Variants in RBP7 observed in about 807,000 individuals in gnomAD.
The protein encoded by RBP7 is retinol binding protein 7.
Under a neutral mutation model 16.7 loss-of-function variants are expected in RBP7, and 13 were observed. The ratio of observed to expected loss-of-function variants is 0.78; its 90% CI spans 0.51 to 1.24. RBP7 has a LOEUF of 1.24. Among genes scored for constraint, RBP7 ranks in the 50% most tolerant of loss-of-function variants. The probability of loss-of-function intolerance (pLI) is 0.00; values close to 1 mark genes in which losing one functional copy is unlikely to be tolerated. For missense variants in RBP7, 145 were observed against 159.5 expected (o/e 0.91, Z 0.49); for synonymous variants, 54 against 56.2 (o/e 0.96, Z 0.17).
intron 1 of RBP7, among the ~76,000 whole-genome samples, chr1:9,999,645 A>C (rs1475528039): frequency 6.6e-6 from 1 of 152,154 alleles, no homozygotes; most frequent in African/African-American, 2.4e-5. Context: ...GAGGTCGCCT[A>C]TCCAGAAACC....
chr1:10,014,456 G>C (rs1369818935), intron 3 of RBP7, among the ~76,000 whole-genome samples: 1 of 151,194 alleles, frequency 6.6e-6, no homozygotes, highest in Non-Finnish European at 1.5e-5. Context: ...CGCAATCTTG[G>C]CTCACTGCAA....
At chr1:10,006,770 G>T (rs550410398) in intron 1 of RBP7, among the ~76,000 whole-genome samples, 2,583 of 148,802 alleles carry the variant, frequency 0.017, 75 homozygotes, top group Admixed American at 0.054. Context: ...TATATAGAGA[G>T]AGAGAGAGAG....
In RBP7 at chr1:10,003,660, C is replaced by T. The variant is rs143414924; in HGVS notation, c.74-3910C>T. ...ATTCTTTCCTGGGCAAAGCCAAGAA[C>T]CTCTGCAGGCTAATCCCCGCTCTGG... On this transcript the variant is annotated intron_variant, in intron 1 of 3. Coordinates refer to ENST00000294435, the MANE Select transcript of RBP7 (RefSeq NM_052960.3). Among the ~76,000 whole-genome samples, 1,072 of 152,330 alleles carry T rather than the reference C, an allele frequency of 7.0e-3. 9 individuals are homozygous for T. Among genetic ancestry groups the T allele is most frequent in the African/African-American group, 0.025 (1,029 of 41,574 alleles).
In RBP7 at chr1:10,008,220, A is replaced by C; in HGVS notation, c.300A>C (p.Gly100=). ...DNDRLTCIQK[G]EKKNRGWTHW... The stretch of plus-strand genomic sequence containing the variant: ...ACAGGCTCACCTGTATCCAGAAGGG[A>C]GAAAAGAAGAACAGAGGCTGGACCC... Residue 100 remains glycine, a synonymous_variant, in exon 3 of 4, where the codon GGA becomes GGC. Transcript: ENST00000294435. 6.2e-7 allele frequency: 1 copy of C among 1,613,370 alleles called. No homozygotes were observed. Among genetic ancestry groups the C allele is most frequent in the Non-Finnish European group, 8.5e-7 (1 of 1,179,552 alleles).
At chr1:10,015,106 C>T (rs944370069) in intron 3 of RBP7, among the ~76,000 whole-genome samples, 4 of 151,916 alleles carry the variant, frequency 2.6e-5, no homozygotes, top group Admixed American at 6.6e-5. Context: ...CTAGCACTTT[C>T]GGAGGGCAAG....
Position 10,015,802 on chromosome 1 carries a change from A to G in RBP7, c.375A>G (p.Gln125=). 2 of 1,614,166 alleles carry G rather than the reference A, an allele frequency of 1.2e-6. No homozygotes were observed. The highest frequency in any genetic ancestry group is 8.5e-7 in the Non-Finnish European group (1 of 1,180,002). ...KLHLEMFCEG[Q]VCKQTFQRA is the part of the protein sequence containing the mutation. ...CCTAGGAAATGTTCTGTGAAGGTCA[A>G]GTGTGCAAACAGACATTCCAGAGAG... Residue 125 remains glutamine (Q), a synonymous_variant, in exon 4 of 4, where the codon CAA becomes CAG. Coordinates refer to ENST00000294435, the MANE Select transcript of RBP7 (RefSeq NM_052960.3).
At chr1:9,999,158 C>A (rs760809271) in intron 1 of RBP7, among the ~76,000 whole-genome samples, 38 of 152,160 alleles carry the variant, frequency 2.5e-4, no homozygotes, top group Non-Finnish European at 2.4e-4. Context: ...CTCTTGCCTG[C>A]CACCATGTAA....
At chr1:9,998,571 G>A (rs1441364516) in intron 1 of RBP7, among the ~76,000 whole-genome samples, 4 of 151,740 alleles carry the variant, frequency 2.6e-5, no homozygotes, top group African/African-American at 9.7e-5. Flanking sequence ...ACCACGCCCA[G>A]CTAATTTTTG....
Position 10,007,581 on chromosome 1 carries a change from GC to G in RBP7, c.87del (p.Thr30LeufsTer4). ...AAATTATTTTTAAGGTATTGACTTT[GC>G]CACTCGTAAAATAGCCAAGTTGCTG... Reference protein sequence around the residue: ...GYMLALGIDFATRKIAKLLKP... With the variant: ...GYMLALGIDFXTRKIAKLLKP... On this transcript the variant is annotated frameshift_variant, in exon 2 of 4. Coordinates refer to ENST00000294435, the MANE Select transcript of RBP7 (RefSeq NM_052960.3). LOFTEE classifies it high-confidence loss of function. 1 of 1,606,018 alleles carries G rather than the reference GC, an allele frequency of 6.2e-7. No homozygotes were observed. The highest frequency in any genetic ancestry group is 8.5e-7 in the Non-Finnish European group (1 of 1,177,148).
rs972938346 is a variant in RBP7 at position 10,015,681 on chromosome 1, T to C, written c.355-101T>C. The stretch of plus-strand genomic sequence containing the variant: ...CCATCTCATAAAAGAAAAAAACATG[T>C]TCCAGAAAAGGGTTAAAACACAATA... On this transcript the variant is annotated intron_variant, in intron 3 of 3. Coordinates refer to ENST00000294435, the MANE Select transcript of RBP7 (RefSeq NM_052960.3). 9.7e-6 allele frequency: 10 copies of C among 1,032,150 alleles called. No individual in the cohort carries two copies. In the African/African-American group the frequency reaches 1.6e-4, roughly 16 times the overall value. 63.9% of individuals were successfully genotyped at this position (1,032,150 alleles called of 1,614,324 possible). A position where few individuals can be genotyped will look rare whatever the true frequency, so the allele number is the denominator to read the frequency against.
intron 3 of RBP7, among the ~76,000 whole-genome samples, 169 bp downstream of exon 3, chr1:10,008,443 A>ATTTTTT (rs375450283): frequency 7.4e-6 from 1 of 134,390 alleles, no homozygotes; most frequent in Non-Finnish European, 1.6e-5. Flanking sequence ...CATCTCTACT[A>ATTTTTT]TTTTTTTTTT....
chr1:10,006,368 G>A lies in RBP7; in HGVS notation c.74-1202G>A, dbSNP rs557781003. On this transcript the variant is annotated intron_variant, in intron 1 of 3. Transcript: ENST00000294435. ...CAAAAAAATATTTAAAACATTTCCA[G>A]GCATGGTGGCATGTGCCTGTAGTCC... 2.6e-5 allele frequency among the ~76,000 whole-genome samples: 4 copies of A among 152,144 alleles called. No homozygotes were observed. In the South Asian group the frequency reaches 8.3e-4, roughly 32 times the overall value.
chr1:10,013,655 CA>C (rs1483482486), intron 3 of RBP7, among the ~76,000 whole-genome samples: 1 of 151,794 alleles, frequency 6.6e-6, no homozygotes, highest in Non-Finnish European at 1.5e-5. Context: ...CTAAAAAATA[CA>C]AAAATTAGCC....
In RBP7 at chr1:9,997,258, C is replaced by A; in HGVS notation, c.-1C>A. ...CCGGGTTTGTCCCGCGATCCCCGAC[C>A]ATGCCCGCCGACCTCAGCGGTACTT... On this transcript the variant is annotated 5_prime_UTR_variant, in exon 1 of 4. Transcript: ENST00000294435. This position sits in a 1 kb window ranked among gnomAD's most constrained non-coding sequence, Gnocchi z 5.9. The A allele has an allele frequency of 6.2e-7, 1 of 1,609,602 alleles. No homozygotes were observed. Among genetic ancestry groups the A allele is most frequent in the East Asian group, 2.2e-5 (1 of 44,622 alleles).
intron 1 of RBP7, among the ~76,000 whole-genome samples, chr1:10,006,313 C>T (rs1300230104): frequency 1.3e-5 from 2 of 151,978 alleles, no homozygotes; most frequent in Admixed American, 1.3e-4. Flanking sequence ...TCGAGACCAA[C>T]CTGGGCAACA....
chr1:10,001,587 C>T (rs1225879970), intron 1 of RBP7, among the ~76,000 whole-genome samples: 1 of 151,938 alleles, frequency 6.6e-6, no homozygotes, highest in East Asian at 1.9e-4. Flanking sequence ...ATATTTGGAG[C>T]TAACCTGGGA....
At chr1:10,004,924 CA>C (rs1642398328) in intron 1 of RBP7, among the ~76,000 whole-genome samples, 1 of 152,064 alleles carries the variant, frequency 6.6e-6, no homozygotes, top group African/African-American at 2.4e-5. Flanking sequence ...GCCTGGGAAG[CA>C]AAGGCTGCAG....
intron 1 of RBP7, among the ~76,000 whole-genome samples, chr1:10,000,113 C>T (rs7535103): frequency 0.029 from 4,456 of 151,640 alleles, 209 homozygotes; most frequent in African/African-American, 0.1. Flanking sequence ...CCTGTAATCC[C>T]GCTACTTGTG....
chr1:10,004,477 G>A (rs914846870), intron 1 of RBP7, among the ~76,000 whole-genome samples: 1 of 151,150 alleles, frequency 6.6e-6, no homozygotes, highest in Non-Finnish European at 1.5e-5. Flanking sequence ...CCAGGTTCAA[G>A]CGACTCTCCT....
Sources: allele counts gnomAD v4.1 joint callset (sites outside exome capture counted in the v4.1 genomes callset), GRCh38; gene constraint gnomAD v4.1.1; non-coding constraint Gnocchi (gnomAD v3.1); transcripts MANE v1.5; gene names NCBI Gene and HGNC (gene_info 2026-07-23, HGNC 2026-07-21).